TCF4: variants seen among roughly 807,000 people sequenced by gnomAD.
The protein encoded by TCF4 is transcription factor 4, also known as SL3-3 enhancer factor 2.
In TCF4, 3 loss-of-function variants were observed where a neutral mutation model predicts 82.1. That is an observed-to-expected ratio of 0.04 (90% CI 0.02 to 0.09). The LOEUF (loss-of-function observed/expected upper bound fraction) is 0.09. Among genes scored for constraint, TCF4 ranks in the 10% least tolerant of loss-of-function variants. The probability of loss-of-function intolerance (pLI) is 1.00; values close to 1 mark genes in which losing one functional copy is unlikely to be tolerated. For synonymous variants in TCF4, 276 were observed against 309.6 expected, an observed-to-expected ratio of 0.89 and a Z score of 1.14; for missense variants, 518 against 852.7, an observed-to-expected ratio of 0.61 and a Z score of 4.89.
At chr18:55,234,813 G>T in intron 15 of TCF4, 130 bp from the exon 16 acceptor site, 1 of 1,340,144 alleles carries the variant, frequency 7.5e-7, no homozygotes. Flanking sequence ...TCACTAGAGG[G>T]CGCTGAAGGA....
chr18:55,529,258 T>C (rs1398907844), intron 3 of TCF4, among the ~76,000 whole-genome samples: 1 of 152,206 alleles, frequency 6.6e-6, no homozygotes, highest in East Asian at 1.9e-4. Context: ...TCTTATTCTT[T>C]AGATATTTCT....
At chr18:55,599,633 A>G (rs984641817) in intron 2 of TCF4, among the ~76,000 whole-genome samples, 7 of 152,182 alleles carry the variant, frequency 4.6e-5, no homozygotes, top group African/African-American at 1.7e-4. Context: ...AGGCAGGAGA[A>G]TCACTTGAAC....
intron 8 of TCF4, among the ~76,000 whole-genome samples, chr18:55,298,390 A>G (rs1165350892): frequency 6.6e-6 from 1 of 152,236 alleles, no homozygotes; most frequent in Non-Finnish European, 1.5e-5. Context: ...CAAATCAAAT[A>G]TCTCTCCAGC....
intron 2 of TCF4, among the ~76,000 whole-genome samples, chr18:55,594,799 G>A (rs2097689189): frequency 6.6e-6 from 1 of 152,178 alleles, no homozygotes; most frequent in South Asian, 2.1e-4. Context: ...CAGAGGAGGA[G>A]ACTGACGCAG....
rs550527518 is a variant in TCF4 at position 55,416,283 on chromosome 18, GAACA to G, written c.305-12769_305-12766del. On this transcript the variant is annotated intron_variant, in intron 5 of 19. Transcript: ENST00000354452. ...ACTCATAAAAGCACCAAATTAAAAT[GAACA>G]AAGACTACATTATTTACTTTTACAG... 4.2e-3 allele frequency among the ~76,000 whole-genome samples: 636 copies of G among 152,114 alleles called. 8 individuals are homozygous for G. Among genetic ancestry groups the G allele is most frequent in the African/African-American group, 0.014 (591 of 41,522 alleles).
At chr18:55,452,063 G>A (rs560724203) in intron 5 of TCF4, among the ~76,000 whole-genome samples, 1 of 152,222 alleles carries the variant, frequency 6.6e-6, no homozygotes, top group South Asian at 2.1e-4. Context: ...AAAACCTAGA[G>A]AAAAACTTTT....
intron 10 of TCF4, among the ~76,000 whole-genome samples, chr18:55,275,287 A>C (rs1004974049): frequency 2.0e-5 from 3 of 150,744 alleles, no homozygotes; most frequent in Admixed American, 6.6e-5. Flanking sequence ...AAAAAAAAAA[A>C]AAAAAAAAAA....
chr18:55,613,151 CAATTT>C (rs1483077859), intron 2 of TCF4, among the ~76,000 whole-genome samples: 1 of 151,850 alleles, frequency 6.6e-6, no homozygotes, highest in African/African-American at 2.4e-5. Context: ...TTTAAGTGTA[CAATTT>C]AATATGCTTT....
At chr18:55,531,741 A>G (rs755645460) in intron 3 of TCF4, among the ~76,000 whole-genome samples, 1 of 152,210 alleles carries the variant, frequency 6.6e-6, no homozygotes, top group Non-Finnish European at 1.5e-5. Context: ...AAAAGTTATA[A>G]ATTGTGCTTG....
rs188185619 is a variant in TCF4 at position 55,255,400 on chromosome 18, T to C, written c.1147-700A>G. Among the ~76,000 whole-genome samples the C allele has an allele frequency of 1.6e-3, 251 of 152,280 alleles. 2 individuals carry two copies. The highest frequency in any genetic ancestry group is 6.8e-3 in the Middle Eastern group (2 of 294). On this transcript the variant is annotated intron_variant, in intron 14 of 19. Transcript: ENST00000354452. ...TTGAATCAACTGTTCACTGGGGGCATCTAACTGAGTTCAAAGCCCCAACTA... is the reference window on the plus strand; with the variant it reads ...TTGAATCAACTGTTCACTGGGGGCACCTAACTGAGTTCAAAGCCCCAACTA...
intron 5 of TCF4, among the ~76,000 whole-genome samples, chr18:55,427,201 C>A (rs1048115485): frequency 2.0e-5 from 3 of 152,190 alleles, no homozygotes; most frequent in Non-Finnish European, 4.4e-5. Flanking sequence ...TTCCTTCATT[C>A]TTCCAGCTTC....
intron 6 of TCF4, chr18:55,401,599 A>C (rs1463601946): frequency 1.0e-6 from 1 of 989,218 alleles, no homozygotes; most frequent in Non-Finnish European, 1.2e-6. Context: ...GGAAAAAAAA[A>C]AAAATTAACT....
intron 6 of TCF4, among the ~76,000 whole-genome samples, chr18:55,352,606 T>TA (rs2082545232): frequency 6.6e-6 from 1 of 152,148 alleles, no homozygotes; most frequent in Non-Finnish European, 1.5e-5. Context: ...AAACCAGATT[T>TA]ATCAGATAAA....
intron 8 of TCF4, among the ~76,000 whole-genome samples, chr18:55,299,343 T>C (rs538071635): frequency 6.6e-6 from 1 of 151,410 alleles, no homozygotes; most frequent in African/African-American, 2.4e-5. Flanking sequence ...ACCTGGGAGG[T>C]GGAGGTTGCA....
Position 55,322,792 on chromosome 18 carries a change from G to T in TCF4, c.549+27567C>A, listed in dbSNP as rs572736456. Among the ~76,000 whole-genome samples the T allele has an allele frequency of 2.7e-3, 408 of 152,342 alleles. 1 individual carries two copies. The highest frequency in any genetic ancestry group is 4.7e-3 in the Non-Finnish European group (323 of 68,034). ...AATCTACTGCAACTTCACGCTATTT[G>T]CTGGGCTCTAAAGCAAGTTTATTGG... is the stretch of plus-strand genomic sequence containing the variant. On this transcript the variant is annotated intron_variant, in intron 8 of 19. Transcript: ENST00000354452.
chr18:55,328,520 A>G (rs566517828), intron 8 of TCF4, among the ~76,000 whole-genome samples: 2 of 152,334 alleles, frequency 1.3e-5, no homozygotes, highest in South Asian at 2.1e-4. Context: ...ACAGAGATGG[A>G]GGAAGTTGAC....
chr18:55,552,595 C>T (rs2147162593), intron 3 of TCF4, among the ~76,000 whole-genome samples: 1 of 152,330 alleles, frequency 6.6e-6, no homozygotes, highest in Admixed American at 6.5e-5. Flanking sequence ...CACACCAGTG[C>T]TGACTGTGAA....
At chr18:55,284,807 G>A (rs1268429563) in intron 8 of TCF4, among the ~76,000 whole-genome samples, 1 of 152,232 alleles carries the variant, frequency 6.6e-6, no homozygotes, top group Non-Finnish European at 1.5e-5. Flanking sequence ...GGCTCATTCA[G>A]TGACTCAGGC....
chr18:55,357,114 G>T lies in TCF4; in HGVS notation c.370-6111C>A, dbSNP rs554779496. 2.0e-5 allele frequency among the ~76,000 whole-genome samples: 3 copies of T among 152,150 alleles called. No individual in the cohort carries two copies. In the South Asian group the frequency reaches 6.2e-4, roughly 32 times the overall value. ...GCCAGGTTTACGCATATACCTATTTGACTCTCATATTTTTAAAAAAGAATA... is the reference window on the plus strand; with the variant it reads ...GCCAGGTTTACGCATATACCTATTTTACTCTCATATTTTTAAAAAAGAATA... On this transcript the variant is annotated intron_variant, in intron 6 of 19. Coordinates refer to ENST00000354452, the MANE Select transcript of TCF4 (RefSeq NM_001083962.2).
Sources: allele counts gnomAD v4.1 joint callset (sites outside exome capture counted in the v4.1 genomes callset), GRCh38; gene constraint gnomAD v4.1.1; transcripts MANE v1.5; gene names NCBI Gene and HGNC (gene_info 2026-07-23, HGNC 2026-07-21).